The following VCPKMT variants were observed in gnomAD, a reference collection of about 807,000 sequenced individuals.
VCPKMT encodes valosin containing protein lysine methyltransferase.
Under a neutral mutation model 28.6 loss-of-function variants are expected in VCPKMT, and 32 were observed. That is an observed-to-expected ratio of 1.12 (90% CI 0.84 to 1.50). VCPKMT has a LOEUF of 1.50. Among genes scored for constraint, VCPKMT ranks in the 40% most tolerant of loss-of-function variants. The probability of loss-of-function intolerance (pLI) is 0.00; values close to 1 mark genes in which losing one functional copy is unlikely to be tolerated. For synonymous variants in VCPKMT, 138 were observed against 111.4 expected (o/e 1.24, Z -1.50); for missense variants, 366 against 285.0 (o/e 1.28, Z -2.05).
chr14:50,115,739 C>T (rs1416514227), intron 3 of VCPKMT, 100 bp downstream of exon 3: 54 of 1,388,632 alleles, frequency 3.9e-5, no homozygotes, highest in Non-Finnish European at 4.9e-5. Flanking sequence ...AGGCAAATCC[C>T]GGATTCAAAG....
chr14:50,108,650 GTTTAT>G lies in VCPKMT; in HGVS notation c.*1044_*1048del. On this transcript the variant is annotated 3_prime_UTR_variant, in exon 6 of 6. Coordinates refer to ENST00000395860, the MANE Select transcript of VCPKMT (RefSeq NM_024558.3). The stretch of plus-strand genomic sequence containing the variant: ...ACAGTCACAAGGTCTCAAAAACAAT[GTTTAT>G]TTTAACACATAAAATGTACCATCTA... 6 of 985,750 alleles carry G rather than the reference GTTTAT, an allele frequency of 6.1e-6. No individual in the cohort carries two copies. In the South Asian group the frequency reaches 1.4e-4, roughly 23 times the overall value. 61.1% of individuals were successfully genotyped at this position (985,750 alleles called of 1,614,324 possible).
chr14:50,110,483 TAG>T (rs1005604040), intron 5 of VCPKMT, among the ~76,000 whole-genome samples: 1 of 152,158 alleles, frequency 6.6e-6, no homozygotes, highest in African/African-American at 2.4e-5. Flanking sequence ...CATTAGTCAT[TAG>T]AGAAATGAAA....
At chr14:50,108,384 A>G (rs1051617841), downstream of VCPKMT, among the ~76,000 whole-genome samples, 3 of 152,204 alleles carry the variant, frequency 2.0e-5, no homozygotes, top group African/African-American at 7.2e-5. Flanking sequence ...TCTGTACCTC[A>G]CAAAGCACCA....
In VCPKMT at chr14:50,116,136, G is replaced by A. The variant is rs1178851359; in HGVS notation, c.310C>T (p.Leu104=). 9.9e-6 allele frequency: 16 copies of A among 1,613,942 alleles called. No homozygotes were observed. The highest frequency in any genetic ancestry group is 4.0e-5 in the African/African-American group (3 of 74,898). Residue 104 remains leucine (L), a synonymous_variant, in exon 2 of 6, where the codon CTG becomes TTG. Coordinates refer to ENST00000395860, the MANE Select transcript of VCPKMT (RefSeq NM_024558.3). ...TTGTTCATATTAATATTCATCTTCA[G>A]CAAGTCTTGCAATTCCTCAAGATCG... ...VTDLEELQDL[L]KMNINMNKHL... is the part of the protein sequence containing the mutation.
At chr14:50,114,219 G>A in intron 4 of VCPKMT, 66 bp downstream of exon 4, 1 of 1,354,762 alleles carries the variant, frequency 7.4e-7, no homozygotes, top group South Asian at 2.2e-5. Context: ...TAATATACTT[G>A]AAGAGTCACA....
chr14:50,116,254 G>T (rs1356497535), intron 1 of VCPKMT, 33 bp downstream of exon 1: 2 of 1,608,786 alleles, frequency 1.2e-6, no homozygotes, highest in Non-Finnish European at 8.5e-7. Flanking sequence ...GCAAGAAGGC[G>T]CCCCCACATC....
intron 5 of VCPKMT, among the ~76,000 whole-genome samples, chr14:50,110,838 G>C (rs1369819043): frequency 6.6e-6 from 1 of 152,252 alleles, no homozygotes; most frequent in Non-Finnish European, 1.5e-5. Flanking sequence ...GGAGTTAAGT[G>C]CTAATGTGTG....
chr14:50,112,199 C>T (rs1882711481), intron 5 of VCPKMT: 3 of 370,618 alleles, frequency 8.1e-6, no homozygotes, highest in Non-Finnish European at 1.1e-5. Flanking sequence ...AGGTAATACC[C>T]AATTATAGAG....
chr14:50,116,182 A>G lies in VCPKMT; in HGVS notation c.267-3T>C, dbSNP rs1448083694. 2 of 1,614,064 alleles carry G rather than the reference A, an allele frequency of 1.2e-6. No individual in the cohort carries two copies. ...GATCGGTGACTACAACATCAGCCCT[A>G]TAAAATAACGTCGACTGAGGTGTAG... On this transcript the variant is annotated splice_region_variant and splice_polypyrimidine_tract_variant and intron_variant, in intron 1 of 5. Coordinates refer to ENST00000395860, the MANE Select transcript of VCPKMT (RefSeq NM_024558.3).
chr14:50,108,601 T>C, downstream of VCPKMT: 1 of 985,848 alleles, frequency 1.0e-6, no homozygotes, highest in Non-Finnish European at 1.2e-6. Flanking sequence ...ATGTTCACTT[T>C]CTTCAAAGGT....
At chr14:50,107,663 G>C (rs1882379012), downstream of VCPKMT, among the ~76,000 whole-genome samples, 1 of 152,172 alleles carries the variant, frequency 6.6e-6, no homozygotes, top group Admixed American at 6.5e-5. Context: ...CAGAAGCAGA[G>C]AGGAATGTAT....
chr14:50,110,672 C>A (rs1882585255), intron 5 of VCPKMT, among the ~76,000 whole-genome samples: 1 of 152,190 alleles, frequency 6.6e-6, no homozygotes, highest in African/African-American at 2.4e-5. Context: ...TCCCATATAA[C>A]CTTGCAGTTC....
At chr14:50,108,456 A>C (rs1882419716), downstream of VCPKMT, among the ~76,000 whole-genome samples, 2 of 152,196 alleles carry the variant, frequency 1.3e-5, no homozygotes. Flanking sequence ...GTATGAACAA[A>C]GTATCTTGGC....
At chr14:50,113,797 G>GGC (rs1555366402) in intron 4 of VCPKMT, among the ~76,000 whole-genome samples, 4 of 82,334 alleles carry the variant, frequency 4.9e-5, no homozygotes, top group Admixed American at 1.1e-4. Flanking sequence ...TTGGGGGCGG[G>GGC]GGGGGGGGGG....
chr14:50,112,895 C>T lies in VCPKMT; in HGVS notation c.571-176G>A, dbSNP rs182289290. On this transcript the variant is annotated intron_variant, in intron 4 of 5. Coordinates refer to ENST00000395860, the MANE Select transcript of VCPKMT (RefSeq NM_024558.3). The stretch of plus-strand genomic sequence containing the variant: ...TCCACCTCCCTGGGTTCAAGTGATT[C>T]TCCTGCCTCAGCCTCCTGAGTAGCT... Among the ~76,000 whole-genome samples the T allele has an allele frequency of 3.6e-3, 550 of 152,256 alleles. 3 individuals are homozygous for T. The highest frequency in any genetic ancestry group is 0.013 in the African/African-American group (523 of 41,528).
At chr14:50,105,812 ATT>A (rs1055531278), downstream of VCPKMT, among the ~76,000 whole-genome samples, 2 of 152,150 alleles carry the variant, frequency 1.3e-5, no homozygotes, top group African/African-American at 2.4e-5. Context: ...ACCTGCAACA[ATT>A]TTTAACTGTT....
chr14:50,116,325 C>G lies in VCPKMT; in HGVS notation c.228G>C (p.Ser76=), dbSNP rs759863706. ...CCATGAGCCCCACGGCCCCGGTGCC[C>G]GAACCCAGCTCCAGCACCGACCGCC... is the stretch of plus-strand genomic sequence containing the variant. ...LSRRSVLELG[S]GTGAVGLMAA... The change falls in exon 1 of 6, where the codon TCG becomes TCC. Residue 76 remains serine (S), a synonymous_variant. Coordinates refer to ENST00000395860, the MANE Select transcript of VCPKMT (RefSeq NM_024558.3). The G allele has an allele frequency of 8.7e-6, 14 of 1,609,702 alleles. No homozygotes were observed. The highest frequency in any genetic ancestry group is 2.2e-5 in the East Asian group (1 of 44,712).
intron 5 of VCPKMT, chr14:50,111,884 A>G: frequency 3.1e-6 from 3 of 979,072 alleles, no homozygotes; most frequent in Non-Finnish European, 3.6e-6. Flanking sequence ...GTGAGACCCT[A>G]TTTCAAAAAA....
chr14:50,113,794 CGGGGGGGGGGGGG>C (rs61233901), intron 4 of VCPKMT, among the ~76,000 whole-genome samples: 1 of 8,342 alleles, frequency 1.2e-4, no homozygotes, highest in South Asian at 2.8e-3. Context: ...TACTTGGGGG[CGGGGGGGGGGGGG>C]GGTGACACTG....
Sources: allele counts gnomAD v4.1 joint callset (sites outside exome capture counted in the v4.1 genomes callset), GRCh38; gene constraint gnomAD v4.1.1; transcripts MANE v1.5; gene names NCBI Gene and HGNC (gene_info 2026-07-23, HGNC 2026-07-21).